The following MTMR4 variants were observed in gnomAD, a reference collection of about 807,000 sequenced individuals.
MTMR4 encodes myotubularin related protein 4, also known as phosphatidylinositol-3,5-bisphosphate 3-phosphatase MTMR4.
In MTMR4, 30 loss-of-function variants were observed where a neutral mutation model predicts 125.5. That is an observed-to-expected ratio of 0.24 (90% confidence interval 0.18 to 0.32). MTMR4 has a LOEUF of 0.32. MTMR4 is among the 10% of genes least tolerant of loss of function. MTMR4 has a pLI of 1.00. For missense variants in MTMR4, 1,039 were observed against 1,511.5 expected (o/e 0.69, Z 5.18); for synonymous variants, 498 against 564.5 (o/e 0.88, Z 1.67).
chr17:58,511,867 G>T (rs1975940284), intron 3 of MTMR4, among the ~76,000 whole-genome samples: 1 of 152,092 alleles, frequency 6.6e-6, no homozygotes, highest in South Asian at 2.1e-4. Context: ...TCCTTAGAAG[G>T]GCCAGTAATA....
rs943345197 is a variant in MTMR4, at chr17:58,496,468, G to A, written c.1854-138C>T. The stretch of plus-strand genomic sequence containing the variant: ...TAAGAACACTTAAGTTTAGAAATAA[G>A]GACCCTTAAGATCACAAATAACCAA... On this transcript the variant is annotated intron_variant, in intron 14 of 17. Coordinates refer to ENST00000682306, the MANE Select transcript of MTMR4 (RefSeq NM_001378067.1). The A allele has an allele frequency of 2.7e-5, 19 of 696,844 alleles. 2 individuals carry two copies. The South Asian group carries it at 4.0e-4, about 15-fold the overall frequency. The allele number at this position is 696,844 out of a possible 1,614,324, so 43.2% of individuals were successfully genotyped here.
Position 58,508,617 on chromosome 17 carries a change from G to C in MTMR4, c.497-53C>G. 1 of 1,614,116 alleles carries C rather than the reference G, an allele frequency of 6.2e-7. No homozygotes were observed. Among genetic ancestry groups the C allele is most frequent in the Non-Finnish European group, 8.5e-7 (1 of 1,179,916 alleles). On this transcript the variant is annotated intron_variant, in intron 5 of 17. Transcript: ENST00000682306. The surrounding 1 kb of genome is among the most constrained non-coding windows in gnomAD (Gnocchi z 4.8). ...CTTCCCAGAGCACCAATGTGCAGGA[G>C]TGGAGGAGGGATGAGAACTAAGGGG...
chr17:58,499,164 T>C (rs1975551417), intron 14 of MTMR4, among the ~76,000 whole-genome samples: 1 of 151,992 alleles, frequency 6.6e-6, no homozygotes, highest in African/African-American at 2.4e-5. Flanking sequence ...ATGCCCTCAA[T>C]GACCTGTCCT....
At chr17:58,505,018 GCCACAGCAGTCTCTCCACCAT>G (rs779513064) in intron 10 of MTMR4, 44 bp from the exon 11 acceptor site, 3 of 1,538,476 alleles carry the variant, frequency 1.9e-6, no homozygotes, top group Non-Finnish European at 2.6e-6. Flanking sequence ...GGGTGCTGAG[GCCACAGCAGTCTCTCCACCAT>G]CCACAGCCAG....
chr17:58,514,565 G>C lies in MTMR4; in HGVS notation c.-158C>G, dbSNP rs970744214. ...GTGGCCGGGCCTCCGCGCGGCTCCC[G>C]CGCGCCTCTCCCCTCCTCTCCACAA... On this transcript the variant is annotated 5_prime_UTR_variant, in exon 1 of 18. Transcript: ENST00000682306. 2 of 985,048 alleles carry C rather than the reference G, an allele frequency of 2.0e-6. No individual in the cohort carries two copies. Among genetic ancestry groups the C allele is most frequent in the African/African-American group, 3.5e-5 (2 of 57,170 alleles). 61.0% of individuals were successfully genotyped at this position (985,048 alleles called of 1,614,324 possible). A position where few individuals can be genotyped will look rare whatever the true frequency, so the allele number is the denominator to read the frequency against.
In MTMR4 at chr17:58,504,475, A is replaced by G; in HGVS notation, c.1355T>C (p.Leu452Ser). The G allele has an allele frequency of 6.2e-7, 1 of 1,613,414 alleles. No individual in the cohort carries two copies. Among genetic ancestry groups the G allele is most frequent in the Non-Finnish European group, 8.5e-7 (1 of 1,179,670 alleles). Reference sequence around the variant, plus strand: ...AAAATCCAGCCAGTCAGACTCCACTAACACTTGGAAGCCCTGCAAAAAAAG... The same window carrying G: ...AAAATCCAGCCAGTCAGACTCCACTGACACTTGGAAGCCCTGCAAAAAAAG... Reference protein sequence around the residue: ...YYRTLEGFQVLVESDWLDFGH... With the variant: ...YYRTLEGFQVSVESDWLDFGH... The change falls in exon 12 of 18, where the codon TTA (leucine) becomes TCA (serine). Residue 452 changes from leucine (L) to serine (S), a missense_variant. By Grantham distance (145) the Leu-to-Ser change is moderately radical. Around this residue, in one of 6 missense-constraint regions of MTMR4, gnomAD observed 107 missense variants for 267.4 expected, o/e 0.40. Transcript: ENST00000682306. This position sits in a 1 kb window ranked among gnomAD's most constrained non-coding sequence, Gnocchi z 7.1.
upstream of MTMR4, among the ~76,000 whole-genome samples, chr17:58,518,296 A>G (rs2042048806): frequency 6.6e-6 from 1 of 152,174 alleles, no homozygotes; most frequent in African/African-American, 2.4e-5. Context: ...ACTTCCGGTG[A>G]TGGCCCCGCC....
At position 58,495,269 on chromosome 17, in the gene MTMR4, C is replaced by T. The variant is rs200959034; in HGVS notation, c.2915G>A (p.Gly972Asp). 52 of 1,614,210 alleles carry T rather than the reference C, an allele frequency of 3.2e-5. No individual in the cohort carries two copies. The East Asian group carries it at 1.1e-3, about 35-fold the overall frequency. ...ACTAGAACAGACAGGTGACTTCACA[C>T]CTTCTCTCTGAGCCCACTGGCCCCC... is the stretch of plus-strand genomic sequence containing the variant. ...CFGGQWAQRE[G>D]VKSPVCSSHS... The change falls in exon 15 of 18, where the codon GGT becomes GAT. Residue 972 changes from glycine to aspartate, a missense_variant. Coordinates refer to ENST00000682306, the MANE Select transcript of MTMR4 (RefSeq NM_001378067.1).
Position 58,495,517 on chromosome 17 carries a change from C to G in MTMR4, c.2667G>C (p.Leu889Phe). 1 of 1,614,228 alleles carries G rather than the reference C, an allele frequency of 6.2e-7. No individual in the cohort carries two copies. The highest frequency in any genetic ancestry group is 8.5e-7 in the Non-Finnish European group (1 of 1,180,048). Reference sequence around the variant, plus strand: ...GCATTTTCCCAAAGCGAGGATTTTCCAATAACTGCCCATTCCTATTATTTC... The same window carrying G: ...GCATTTTCCCAAAGCGAGGATTTTCGAATAACTGCCCATTCCTATTATTTC... The part of the protein sequence containing the change: ...KRGNNRNGQL[L>F]ENPRFGKMPL... Residue 889 changes from leucine (L) to phenylalanine (F), a missense_variant, in exon 15 of 18, where the codon TTG becomes TTC. Around this residue, in one of 6 missense-constraint regions of MTMR4, gnomAD observed 619 missense variants for 714.5 expected, o/e 0.87. Transcript: ENST00000682306.
At chr17:58,505,886 G>A (rs879935296) in intron 9 of MTMR4, among the ~76,000 whole-genome samples, 2 of 152,152 alleles carry the variant, frequency 1.3e-5, no homozygotes, top group Non-Finnish European at 2.9e-5. Context: ...CAGCCTGGGC[G>A]ACAGAGCGAG....
At chr17:58,514,704 G>A (rs952500957), upstream of MTMR4, 98 of 976,526 alleles carry the variant, frequency 1.0e-4, no homozygotes, top group South Asian at 1.3e-3. Context: ...GCGGCTCCGC[G>A]GGCCCCGCCC....
intron 15 of MTMR4, among the ~76,000 whole-genome samples, chr17:58,493,198 A>G (rs1302195125): frequency 2.0e-5 from 3 of 152,212 alleles, no homozygotes; most frequent in Non-Finnish European, 4.4e-5. Context: ...TCTTACCGAT[A>G]TGCTACACCA....
chr17:58,516,381 T>C (rs1199219511), upstream of MTMR4, among the ~76,000 whole-genome samples: 1 of 152,168 alleles, frequency 6.6e-6, no homozygotes, highest in Non-Finnish European at 1.5e-5. Context: ...TTCTAGAAGC[T>C]TCCAGTCCCA....
chr17:58,492,360 C>T, intron 17 of MTMR4, 151 bp downstream of exon 17: 1 of 655,562 alleles, frequency 1.5e-6, no homozygotes, highest in Non-Finnish European at 2.6e-6. Flanking sequence ...TTAGTGGAGA[C>T]AGGTTTTACC....
At chr17:58,505,907 AAAAC>A (rs951379590) in intron 9 of MTMR4, among the ~76,000 whole-genome samples, 3 of 152,310 alleles carry the variant, frequency 2.0e-5, no homozygotes, top group African/African-American at 7.2e-5. Context: ...ACTCCGTCTC[AAAAC>A]AAACAAACAA....
Position 58,504,580 on chromosome 17 carries a change from G to C in MTMR4, c.1342-92C>G. ...AACTGCCCAAAGCAGGAAGCTGGCA[G>C]CTTCAAAGAAAAATAGGACTGGACC... On this transcript the variant is annotated intron_variant, in intron 11 of 17. Coordinates refer to ENST00000682306, the MANE Select transcript of MTMR4 (RefSeq NM_001378067.1). The surrounding 1 kb of genome is among the most constrained non-coding windows in gnomAD (Gnocchi z 7.1). The C allele has an allele frequency of 6.8e-7, 1 of 1,460,250 alleles. No individual in the cohort carries two copies. The highest frequency in any genetic ancestry group is 9.2e-7 in the Non-Finnish European group (1 of 1,084,498). The allele number at this position is 1,460,250 out of a possible 1,614,324, so 90.5% of individuals were successfully genotyped here. A position where few individuals can be genotyped will look rare whatever the true frequency, so the allele number is the denominator to read the frequency against.
At position 58,508,118 on chromosome 17, in the gene MTMR4, G is replaced by A; in HGVS notation, c.707+43C>T. On this transcript the variant is annotated intron_variant, in intron 7 of 17. Coordinates refer to ENST00000682306, the MANE Select transcript of MTMR4 (RefSeq NM_001378067.1). The surrounding 1 kb of genome is among the most constrained non-coding windows in gnomAD (Gnocchi z 4.8). ...CTCCAATTTTGACTCTTTCCTTGTT[G>A]CATAAGAAATGGCCTCCCTACTTCC... The A allele has an allele frequency of 6.9e-7, 1 of 1,458,952 alleles. No individual in the cohort carries two copies. Among genetic ancestry groups the A allele is most frequent in the Non-Finnish European group, 9.6e-7 (1 of 1,043,886 alleles). The allele number at this position is 1,458,952 out of a possible 1,614,324, so 90.4% of individuals were successfully genotyped here. A position where few individuals can be genotyped will look rare whatever the true frequency, so the allele number is the denominator to read the frequency against.
At chr17:58,515,226 G>A (rs1976055824), upstream of MTMR4, 1 of 234,252 alleles carries the variant, frequency 4.3e-6, no homozygotes, top group South Asian at 1.6e-4. Context: ...CTGGGAAAGT[G>A]AAGAGCTAGA....
At position 58,507,163 on chromosome 17, in the gene MTMR4, G is replaced by C. The variant is rs372847011; in HGVS notation, c.864C>G (p.Thr288=). The change falls in exon 8 of 18, where the codon ACC becomes ACG. Residue 288 remains threonine, a synonymous_variant. Coordinates refer to ENST00000682306, the MANE Select transcript of MTMR4 (RefSeq NM_001378067.1). ...ACGCCTCGCTGGTATCATTATTCCC[G>C]GTGCTGAGGGAGCCCCCAGTGGCCC... ...GTRATGGSLS[T]GNNDTSEACD... The C allele has an allele frequency of 1.2e-6, 2 of 1,614,004 alleles. No individual in the cohort carries two copies. The highest frequency in any genetic ancestry group is 4.5e-5 in the East Asian group (2 of 44,880).
Sources: gnomAD v4.1 joint callset for allele counts (sites outside exome capture counted in the v4.1 genomes callset) on GRCh38, gnomAD v4.1.1 for gene constraint, gnomAD v4.1.1 regional missense constraint, Gnocchi (gnomAD v3.1) non-coding constraint, MANE v1.5 for transcripts, NCBI Gene and HGNC (gene_info 2026-07-23, HGNC 2026-07-21) for gene names.